RANGAP1: variants seen among roughly 807,000 people sequenced by gnomAD.
RANGAP1 encodes Ran GTPase activating protein 1.
A neutral mutation model predicts 63.5 loss-of-function variants in RANGAP1; 38 were observed. The observed-to-expected ratio is 0.60, with a 90% CI of 0.46 to 0.78. The LOEUF (loss-of-function observed/expected upper bound fraction) is 0.78. Among genes scored for constraint, RANGAP1 ranks in the 30% least tolerant of loss-of-function variants. The pLI, the probability that RANGAP1 is intolerant of heterozygous loss-of-function variation, is 0.00. For synonymous variants in RANGAP1, 329 were observed against 310.5 expected, an observed-to-expected ratio of 1.06 and a Z score of -0.63; for missense variants, 630 against 740.3, an observed-to-expected ratio of 0.85 and a Z score of 1.73.
At chr22:41,268,726 G>A (rs2034626364) in intron 3 of RANGAP1, among the ~76,000 whole-genome samples, 1 of 152,086 alleles carries the variant, frequency 6.6e-6, no homozygotes, top group Non-Finnish European at 1.5e-5. Context: ...GTGTGACGTG[G>A]TTATGGATGA....
intron 4 of RANGAP1, 58 bp from the exon 5 acceptor site, chr22:41,264,901 C>G: frequency 7.9e-6 from 12 of 1,524,980 alleles, no homozygotes; most frequent in Non-Finnish European, 1.1e-5. Context: ...GTGCTGGGTG[C>G]TGCTTCTGTG....
At chr22:41,265,040 G>T (rs118180630) in intron 4 of RANGAP1, among the ~76,000 whole-genome samples, 197 bp from the exon 5 acceptor site, 4,408 of 152,340 alleles carry the variant, frequency 0.029, 102 homozygotes, top group Admixed American at 0.045. Flanking sequence ...TGGGGGATGC[G>T]TATGCCTGGA....
At chr22:41,273,996 T>C (rs2034994207) in intron 3 of RANGAP1, among the ~76,000 whole-genome samples, 1 of 152,138 alleles carries the variant, frequency 6.6e-6, no homozygotes, top group Admixed American at 6.5e-5. Context: ...GAGAATCGCT[T>C]GAACCCAGGA....
chr22:41,283,303 G>T (rs1000427835), intron 1 of RANGAP1, among the ~76,000 whole-genome samples: 3 of 152,178 alleles, frequency 2.0e-5, no homozygotes, highest in African/African-American at 7.2e-5. Flanking sequence ...GAGGTCAGGA[G>T]TTCAAGACCA....
intron 3 of RANGAP1, among the ~76,000 whole-genome samples, chr22:41,272,012 C>T (rs146377294): frequency 7.2e-5 from 11 of 152,348 alleles, no homozygotes; most frequent in African/African-American, 2.4e-4. Flanking sequence ...ACCGGCCAGG[C>T]TCTCCCAGGA....
At chr22:41,273,753 T>C (rs2034969091) in intron 3 of RANGAP1, among the ~76,000 whole-genome samples, 1 of 79,380 alleles carries the variant, frequency 1.3e-5, no homozygotes. Flanking sequence ...GGTGACAGTG[T>C]GAGACTCCAT....
chr22:41,255,445 T>A (rs2033764371), intron 10 of RANGAP1, among the ~76,000 whole-genome samples: 1 of 152,066 alleles, frequency 6.6e-6, no homozygotes, highest in African/African-American at 2.4e-5. Flanking sequence ...CACCTCCAGG[T>A]AGACTCCCCA....
At chr22:41,285,713 A>G (rs886375912) in intron 1 of RANGAP1, 2 of 981,096 alleles carry the variant, frequency 2.0e-6, no homozygotes, top group Non-Finnish European at 2.4e-6. Context: ...GTTGACAACA[A>G]TGCTAATATG....
Position 41,261,559 on chromosome 22 carries a change from C to A in RANGAP1, c.502G>T (p.Glu168Ter). 6.2e-7 allele frequency: 1 copy of A among 1,614,234 alleles called. No individual in the cohort carries two copies. Among genetic ancestry groups the A allele is most frequent in the Non-Finnish European group, 8.5e-7 (1 of 1,180,046 alleles). ...GGKILAAALT[E>*]CHRKSSAQGK... ...TGGGCACTGGATTTCCGGTGACATT[C>A]GGTCAGAGCTGCAGCCAGGATCTGT... Residue 168 changes from glutamate (E) to a stop codon, truncating the protein, a stop_gained, in exon 6 of 16, where the codon GAA becomes TAA. Transcript: ENST00000356244. LOFTEE classifies it high-confidence loss of function.
Position 41,274,845 on chromosome 22 carries a change from A to C in RANGAP1, c.113-118T>G, listed in dbSNP as rs184409594. On this transcript the variant is annotated intron_variant, in intron 2 of 15. Coordinates refer to ENST00000356244, the MANE Select transcript of RANGAP1 (RefSeq NM_002883.4). ...TCTATGGTGCACCTACCATGCAATG[A>C]GCCTTGGCTTACAGAGAATCAGACA... 82 of 1,300,504 alleles carry C rather than the reference A, an allele frequency of 6.3e-5. No individual in the cohort carries two copies. The Middle Eastern group carries it at 2.3e-3, about 36-fold the overall frequency. The allele number at this position is 1,300,504 out of a possible 1,614,324, so 80.6% of individuals were successfully genotyped here.
At chr22:41,253,372 G>A (rs922026682) in intron 11 of RANGAP1, among the ~76,000 whole-genome samples, 9 of 152,228 alleles carry the variant, frequency 5.9e-5, no homozygotes, top group African/African-American at 2.2e-4. Context: ...AGCACCAGAG[G>A]TGCCCAGAGG....
the RANGAP1 span, among the ~76,000 whole-genome samples, chr22:41,299,903 C>A: frequency 1.3e-5 from 2 of 152,058 alleles, no homozygotes; most frequent in African/African-American, 4.8e-5. Flanking sequence ...AGGCTCCCGA[C>A]ACCACGCCCA....
intron 15 of RANGAP1, among the ~76,000 whole-genome samples, chr22:41,247,700 CT>C (rs1381418841): frequency 6.6e-6 from 1 of 152,234 alleles, no homozygotes; most frequent in Non-Finnish European, 1.5e-5. Context: ...AAGGAAGAAA[CT>C]GAGGCAAGAC....
At position 41,261,519 on chromosome 22, in the gene RANGAP1, G is replaced by T; in HGVS notation, c.542C>A (p.Ala181Asp). The change falls in exon 6 of 16, where the codon GCC becomes GAC. Residue 181 changes from alanine to aspartate, a missense_variant. Transcript: ENST00000356244. ...TCTGCCAGCCACAAAGACCTTCAGG[G>T]CCAGAGGCTTGCCTTGGGCACTGGA... ...RKSSAQGKPL[A>D]LKVFVAGRNR... is the part of the protein sequence containing the mutation. The T allele has an allele frequency of 6.2e-7, 1 of 1,614,234 alleles. No individual in the cohort carries two copies. Among genetic ancestry groups the T allele is most frequent in the Non-Finnish European group, 8.5e-7 (1 of 1,180,048 alleles).
At chr22:41,263,494 C>G (rs2034290679) in intron 5 of RANGAP1, among the ~76,000 whole-genome samples, 1 of 152,206 alleles carries the variant, frequency 6.6e-6, no homozygotes, top group Non-Finnish European at 1.5e-5. Context: ...GAGCAATTCT[C>G]CTGCCTCAGC....
chr22:41,294,070 CCT>C, the RANGAP1 span, among the ~76,000 whole-genome samples: 1 of 152,116 alleles, frequency 6.6e-6, no homozygotes, highest in African/African-American at 2.4e-5. Context: ...TCTCCCTCTC[CCT>C]CTCTTTCCAA....
intron 3 of RANGAP1, 125 bp from the exon 4 acceptor site, chr22:41,268,281 G>T: frequency 1.2e-6 from 1 of 808,632 alleles, no homozygotes; most frequent in Non-Finnish European, 2.0e-6. Context: ...TTGAGACGGA[G>T]TTTCGCTCTT....
chr22:41,281,370 A>C, intron 1 of RANGAP1: 3 of 979,168 alleles, frequency 3.1e-6, no homozygotes, highest in Non-Finnish European at 2.5e-6. Flanking sequence ...CAGCAACACC[A>C]TGTGAGCTGC....
At chr22:41,279,203 G>A (rs1307937282) in intron 2 of RANGAP1, among the ~76,000 whole-genome samples, 1 of 151,934 alleles carries the variant, frequency 6.6e-6, no homozygotes, top group Admixed American at 6.6e-5. Context: ...AGACACAGTG[G>A]CTCACGCCTG....
Sources: allele counts gnomAD v4.1 joint callset (sites outside exome capture counted in the v4.1 genomes callset), GRCh38; gene constraint gnomAD v4.1.1; transcripts MANE v1.5; gene names NCBI Gene and HGNC (gene_info 2026-07-23, HGNC 2026-07-21).